The following GPHN variants were observed in gnomAD, a reference collection of about 807,000 sequenced individuals.
The protein encoded by GPHN is gephyrin.
GPHN carries 17 observed loss-of-function variants against 95.5 expected under a neutral mutation model. That is an observed-to-expected ratio of 0.18 (90% CI 0.12 to 0.27). The LOEUF (loss-of-function observed/expected upper bound fraction) is 0.27, where lower values mean the gene tolerates loss of function less well. GPHN is among the 10% of genes least tolerant of loss of function. The probability of loss-of-function intolerance (pLI) is 1.00; values close to 1 mark genes in which losing one functional copy is unlikely to be tolerated. For synonymous variants in GPHN, 320 were observed against 322.5 expected (o/e 0.99, Z 0.08); for missense variants, 660 against 978.1 (o/e 0.67, Z 4.34).
chr14:67,108,753 GGT>G (rs2078194212), intron 13 of GPHN, among the ~76,000 whole-genome samples: 1 of 143,384 alleles, frequency 7.0e-6, no homozygotes. Context: ...GTGTGTGTGT[GGT>G]TTATTTTACT....
chr14:66,724,095 G>C (rs1393751906), intron 2 of GPHN, among the ~76,000 whole-genome samples: 1 of 151,760 alleles, frequency 6.6e-6, no homozygotes, highest in Non-Finnish European at 1.5e-5. Flanking sequence ...ATAGTAATGT[G>C]AACTCAACTG....
At chr14:67,567,697 G>A in the GPHN span, among the ~76,000 whole-genome samples, 1 of 152,018 alleles carries the variant, frequency 6.6e-6, no homozygotes, top group Non-Finnish European at 1.5e-5. Context: ...CAGGGCTGCT[G>A]CTCCCCTCTG....
At chr14:67,303,487 C>A in the GPHN span, 1 of 1,519,444 alleles carries the variant, frequency 6.6e-7, no homozygotes, top group East Asian at 2.3e-5. Context: ...TTCATAAATG[C>A]AAATTTAAAA....
chr14:66,520,541 C>T (rs932419084), intron 1 of GPHN, among the ~76,000 whole-genome samples: 14 of 152,070 alleles, frequency 9.2e-5, no homozygotes, highest in Admixed American at 9.2e-4. Flanking sequence ...ATCATGAACT[C>T]TTACTCTCCA....
intron 10 of GPHN, among the ~76,000 whole-genome samples, chr14:67,049,376 C>T (rs1353365207): frequency 1.3e-5 from 2 of 151,768 alleles, no homozygotes; most frequent in African/African-American, 2.4e-5. Context: ...TACAGGCGCC[C>T]GCCACCACAC....
chr14:67,590,378 G>A, the GPHN span, among the ~76,000 whole-genome samples: 2 of 151,026 alleles, frequency 1.3e-5, no homozygotes, highest in African/African-American at 2.4e-5. Context: ...TCAGCCTCCC[G>A]AGTAGCTGGG....
At chr14:67,216,207 C>T in the GPHN span, among the ~76,000 whole-genome samples, 1 of 151,976 alleles carries the variant, frequency 6.6e-6, no homozygotes, top group Non-Finnish European at 1.5e-5. Context: ...AAGATTTACT[C>T]CTTGTGTTGT....
intron 17 of GPHN, among the ~76,000 whole-genome samples, chr14:67,133,851 GGTAGCCATCTTC>G (rs1368606500): frequency 6.6e-6 from 1 of 152,100 alleles, no homozygotes; most frequent in Non-Finnish European, 1.5e-5. Flanking sequence ...TATTAATATT[GGTAGCCATCTTC>G]CAAGTTGAAG....
chr14:67,572,345 A>C, the GPHN span: 1 of 1,442,084 alleles, frequency 6.9e-7, no homozygotes, highest in Non-Finnish European at 9.3e-7. Flanking sequence ...GGCCCTCAGC[A>C]CAAGACATAG....
At chr14:67,416,386 C>T in the GPHN span, among the ~76,000 whole-genome samples, 186 of 152,202 alleles carry the variant, frequency 1.2e-3, 1 homozygote, top group Non-Finnish European at 2.2e-3. Context: ...GAGAACTGGG[C>T]GGTGAAGTCC....
chr14:67,562,315 T>C, the GPHN span: 2 of 1,613,980 alleles, frequency 1.2e-6, no homozygotes, highest in Non-Finnish European at 1.7e-6. Flanking sequence ...GCAAGGACTC[T>C]GTTTCTGAAG....
chr14:66,652,855 A>C (rs2065110441), intron 1 of GPHN, among the ~76,000 whole-genome samples: 2 of 152,176 alleles, frequency 1.3e-5, no homozygotes, highest in South Asian at 4.1e-4. Context: ...AGAGCCGCTC[A>C]GAGCTATATG....
intron 1 of GPHN, among the ~76,000 whole-genome samples, chr14:66,557,320 T>C (rs2060049022): frequency 6.6e-6 from 1 of 152,112 alleles, no homozygotes; most frequent in African/African-American, 2.4e-5. Context: ...TAAAAGAGTA[T>C]TTTCCCAAAT....
chr14:67,029,339 C>CT (rs71446327), intron 10 of GPHN, among the ~76,000 whole-genome samples: 13,748 of 139,100 alleles, frequency 0.099, 846 homozygotes, highest in Non-Finnish European at 0.15. Flanking sequence ...TATCATTATT[C>CT]TTTTTTTTTT....
chr14:66,824,064 T>C (rs187422535), intron 3 of GPHN, among the ~76,000 whole-genome samples: 109 of 152,304 alleles, frequency 7.2e-4, no homozygotes, highest in Non-Finnish European at 9.0e-4. Flanking sequence ...GTTGTCTCTT[T>C]AGAAAATAAA....
the GPHN span, among the ~76,000 whole-genome samples, chr14:67,318,810 C>G: frequency 6.6e-6 from 1 of 152,116 alleles, no homozygotes; most frequent in Non-Finnish European, 1.5e-5. Flanking sequence ...GTAATCCCAG[C>G]ACTTTGGGAG....
At chr14:67,216,842 C>G in the GPHN span, among the ~76,000 whole-genome samples, 1 of 152,086 alleles carries the variant, frequency 6.6e-6, no homozygotes, top group African/African-American at 2.4e-5. Context: ...TATAGTCAAT[C>G]CTGGAGAATA....
chr14:66,931,843 G>C (rs1343117401), intron 8 of GPHN, among the ~76,000 whole-genome samples: 1 of 152,200 alleles, frequency 6.6e-6, no homozygotes, highest in Non-Finnish European at 1.5e-5. Context: ...ACATATCTCT[G>C]TTACTACAGA....
chr14:66,963,703 C>A (rs1191747823), intron 8 of GPHN, among the ~76,000 whole-genome samples: 1 of 152,046 alleles, frequency 6.6e-6, no homozygotes, highest in Admixed American at 6.6e-5. Context: ...ATGGAGTCGT[C>A]TTGCTTCTCA....
Sources: allele counts gnomAD v4.1 joint callset (sites outside exome capture counted in the v4.1 genomes callset), GRCh38; gene constraint gnomAD v4.1.1; transcripts MANE v1.5; gene names NCBI Gene and HGNC (gene_info 2026-07-23, HGNC 2026-07-21).